The following PTPRT variants were observed in gnomAD, a reference collection of about 807,000 sequenced individuals.
PTPRT encodes the protein receptor-type tyrosine-protein phosphatase T.
A neutral mutation model predicts 176.8 loss-of-function variants in PTPRT; 56 were observed. The ratio of observed to expected loss-of-function variants is 0.32; its 90% confidence interval spans 0.26 to 0.40. The LOEUF is 0.40. PTPRT is among the 10% of genes least tolerant of loss of function. The probability of loss-of-function intolerance (pLI) is 1.00; values close to 1 mark genes in which losing one functional copy is unlikely to be tolerated. For synonymous variants in PTPRT, 783 were observed against 739.0 expected, an observed-to-expected ratio of 1.06 and a Z score of -0.96; for missense variants, 1,540 against 1,908.2, an observed-to-expected ratio of 0.81 and a Z score of 3.60.
rs200588327 is a variant in PTPRT, at chr20:42,678,150, G to C, written c.869C>G (p.Thr290Arg). 6.2e-7 allele frequency: 1 copy of C among 1,613,132 alleles called. No individual in the cohort carries two copies. The highest frequency in any genetic ancestry group is 1.1e-5 in the South Asian group (1 of 91,000). ...YAELIVKEPP[T>R]PIAPPELLAV... is the part of the protein sequence containing the mutation. ...CAGCAGCTCTGGGGGAGCAATGGGC[G>C]TGGGAGGCTCTGTAAGACAAGCAAT... The change falls in exon 7 of 31, where the codon ACG (threonine) becomes AGG (arginine). Residue 290 changes from threonine (T) to arginine (R), a missense_variant. Around this residue, in one of 11 missense-constraint regions of PTPRT, gnomAD observed 273 missense variants for 432.1 expected, o/e 0.63. Transcript: ENST00000373187.
intron 1 of PTPRT, among the ~76,000 whole-genome samples, chr20:42,922,805 G>A (rs1979237618): frequency 6.6e-6 from 1 of 152,118 alleles, no homozygotes; most frequent in Non-Finnish European, 1.5e-5. Context: ...ACGCACTGTA[G>A]TCTGTAATGC....
intron 1 of PTPRT, among the ~76,000 whole-genome samples, chr20:43,148,227 C>T (rs150958674): frequency 3.3e-5 from 5 of 152,264 alleles, no homozygotes; most frequent in African/African-American, 9.6e-5. Context: ...TAAATATATG[C>T]TTCAATTGTT....
At chr20:42,745,726 G>C (rs544373278) in intron 6 of PTPRT, among the ~76,000 whole-genome samples, 2 of 152,168 alleles carry the variant, frequency 1.3e-5, no homozygotes. Context: ...ATATATATCT[G>C]TCACGGAATA....
At chr20:42,498,123 C>A (rs951530816) in intron 7 of PTPRT, among the ~76,000 whole-genome samples, 8 of 152,088 alleles carry the variant, frequency 5.3e-5, no homozygotes, top group Non-Finnish European at 1.2e-4. Context: ...TACACGAGAA[C>A]CTCAAGAGAT....
chr20:42,677,812 C>T (rs2146062964), intron 7 of PTPRT, 54 bp downstream of exon 7: 1 of 1,560,110 alleles, frequency 6.4e-7, no homozygotes, highest in Non-Finnish European at 8.7e-7. Context: ...GAAAGCCAGT[C>T]TTGGCAATAG....
chr20:42,285,248 A>G (rs1284636253), intron 12 of PTPRT, among the ~76,000 whole-genome samples: 2 of 152,020 alleles, frequency 1.3e-5, no homozygotes, highest in African/African-American at 4.8e-5. Flanking sequence ...CAGTGTCACA[A>G]TGACTATCAT....
At chr20:42,674,767 T>C (rs567523526) in intron 7 of PTPRT, among the ~76,000 whole-genome samples, 4 of 152,218 alleles carry the variant, frequency 2.6e-5, no homozygotes, top group Non-Finnish European at 5.9e-5. Flanking sequence ...TTCAGCATAG[T>C]GGTTCAATAA....
chr20:43,047,682 T>C (rs1352919167), intron 1 of PTPRT, among the ~76,000 whole-genome samples: 2 of 141,968 alleles, frequency 1.4e-5, no homozygotes, highest in Admixed American at 1.6e-4. Flanking sequence ...ATGCTAATCA[T>C]ACTAATGATG....
chr20:43,041,492 G>A (rs1039379775), intron 1 of PTPRT, among the ~76,000 whole-genome samples: 8 of 152,158 alleles, frequency 5.3e-5, no homozygotes, highest in South Asian at 2.1e-4. Flanking sequence ...GGACAAGTCC[G>A]CCCTGTCTCC....
chr20:42,574,027 G>A lies in PTPRT; in HGVS notation c.1154-101465C>T, dbSNP rs574804110. 3.2e-3 allele frequency among the ~76,000 whole-genome samples: 483 copies of A among 152,186 alleles called. 1 individual carries two copies. Among genetic ancestry groups the A allele is most frequent in the African/African-American group, 0.011 (465 of 41,544 alleles). On this transcript the variant is annotated intron_variant, in intron 7 of 30. Transcript: ENST00000373187. The stretch of plus-strand genomic sequence containing the variant: ...CTCCCAAAGTGCTGGGATTACAGGC[G>A]TGAGCCACCGCACCCAGCAAGATAG...
At chr20:42,616,942 C>T (rs1359129873) in intron 7 of PTPRT, among the ~76,000 whole-genome samples, 1 of 132,210 alleles carries the variant, frequency 7.6e-6, no homozygotes, top group Non-Finnish European at 1.6e-5. Flanking sequence ...CCTTCTCCTG[C>T]CTCATTGCCC....
Position 42,073,174 on chromosome 20 carries a change from G to A in PTPRT, c.*7705C>T. 5.1e-6 allele frequency: 1 copy of A among 195,340 alleles called. No homozygotes were observed. The highest frequency in any genetic ancestry group is 8.0e-5 in the East Asian group (1 of 12,454). The allele number at this position is 195,340 out of a possible 1,614,324, so 12.1% of individuals were successfully genotyped here. A position where few individuals can be genotyped will look rare whatever the true frequency, so the allele number is the denominator to read the frequency against. On this transcript the variant is annotated 3_prime_UTR_variant, in exon 31 of 31. Transcript: ENST00000373187. ...ATGCCCAGTGGATGTGAAGATGTCA[G>A]CCTCCCTGGAGTTGAGCGGGAACCT...
At chr20:42,830,870 A>C (rs1410454091) in intron 2 of PTPRT, among the ~76,000 whole-genome samples, 3 of 152,194 alleles carry the variant, frequency 2.0e-5, no homozygotes, top group Non-Finnish European at 4.4e-5. Flanking sequence ...AGAATTATGA[A>C]ACACTGCTCG....
intron 23 of PTPRT, among the ~76,000 whole-genome samples, chr20:42,109,769 G>A (rs977825668): frequency 1.3e-5 from 2 of 152,288 alleles, no homozygotes; most frequent in Non-Finnish European, 1.5e-5. Flanking sequence ...AAATAATGTG[G>A]GTAAAATGCA....
At chr20:42,975,277 A>G (rs1156333303) in intron 1 of PTPRT, among the ~76,000 whole-genome samples, 1 of 152,222 alleles carries the variant, frequency 6.6e-6, no homozygotes, top group Non-Finnish European at 1.5e-5. Context: ...AGAAGTGCAT[A>G]TGCTATGGTT....
intron 7 of PTPRT, among the ~76,000 whole-genome samples, chr20:42,666,384 A>T (rs936246373): frequency 2.0e-5 from 3 of 152,234 alleles, no homozygotes; most frequent in African/African-American, 7.2e-5. Flanking sequence ...AAAAAATTTT[A>T]AAGTCAGTTT....
chr20:43,124,278 A>G (rs572006631), intron 1 of PTPRT, among the ~76,000 whole-genome samples: 29 of 152,248 alleles, frequency 1.9e-4, no homozygotes, highest in Non-Finnish European at 1.0e-4. Context: ...TAACAGAGTA[A>G]TTCGATAATT....
intron 6 of PTPRT, among the ~76,000 whole-genome samples, chr20:42,743,760 A>G (rs1407986751): frequency 6.6e-6 from 1 of 152,232 alleles, no homozygotes. Context: ...ACGTGAGCAT[A>G]CTGAACCTCA....
chr20:42,801,389 C>T (rs538078718), intron 2 of PTPRT, among the ~76,000 whole-genome samples: 1 of 152,328 alleles, frequency 6.6e-6, no homozygotes, highest in East Asian at 1.9e-4. Context: ...CACTGCATCC[C>T]TAACTCCACT....
Sources: allele counts gnomAD v4.1 joint callset (sites outside exome capture counted in the v4.1 genomes callset), GRCh38; gene constraint gnomAD v4.1.1; regional missense constraint gnomAD v4.1.1; transcripts MANE v1.5; gene names NCBI Gene and HGNC (gene_info 2026-07-23, HGNC 2026-07-21).